PXDNL: variants seen among roughly 807,000 people sequenced by gnomAD.
PXDNL encodes the protein probable oxidoreductase PXDNL.
A neutral mutation model predicts 150.8 loss-of-function variants in PXDNL; 145 were observed. The observed-to-expected ratio is 0.96, with a 90% CI of 0.84 to 1.10. PXDNL has a LOEUF of 1.10. PXDNL is among the 50% of genes least tolerant of loss of function. The probability of loss-of-function intolerance (pLI) is 0.00; values close to 1 mark genes in which losing one functional copy is unlikely to be tolerated. For synonymous variants in PXDNL, 757 were observed against 725.7 expected (o/e 1.04, Z -0.69); for missense variants, 2,087 against 1,873.9 (o/e 1.11, Z -2.10).
At chr8:51,496,135 T>G (rs1282359646) in intron 5 of PXDNL, among the ~76,000 whole-genome samples, 1 of 152,156 alleles carries the variant, frequency 6.6e-6, no homozygotes, top group East Asian at 1.9e-4. Context: ...CATATGGAAA[T>G]CAATAAATGT....
At chr8:51,422,153 G>A (rs1808971877) in intron 14 of PXDNL, among the ~76,000 whole-genome samples, 1 of 152,050 alleles carries the variant, frequency 6.6e-6, no homozygotes, top group Non-Finnish European at 1.5e-5. Context: ...ATCACCCCCA[G>A]ATGGGACCAT....
chr8:51,338,882 C>T (rs1187513910), intron 21 of PXDNL, among the ~76,000 whole-genome samples: 1 of 152,154 alleles, frequency 6.6e-6, no homozygotes, highest in Non-Finnish European at 1.5e-5. Context: ...CCAGAGAAAA[C>T]AGTACTTCCT....
intron 14 of PXDNL, among the ~76,000 whole-genome samples, chr8:51,416,902 C>T (rs1808814192): frequency 6.6e-6 from 1 of 152,124 alleles, no homozygotes. Flanking sequence ...ATAAAGCTTT[C>T]TCGTTTTTAT....
intron 1 of PXDNL, among the ~76,000 whole-genome samples, chr8:51,690,218 G>A (rs1056434542): frequency 1.3e-5 from 2 of 152,104 alleles, no homozygotes; most frequent in African/African-American, 2.4e-5. Flanking sequence ...TGTGCACAAT[G>A]TGCAGGTTAG....
At chr8:51,490,805 A>G (rs1810874201) in intron 5 of PXDNL, among the ~76,000 whole-genome samples, 1 of 151,822 alleles carries the variant, frequency 6.6e-6, no homozygotes, top group African/African-American at 2.4e-5. Flanking sequence ...CCTCATCTTC[A>G]GAGTGAAAAT....
rs1256286465 is a variant in PXDNL at position 51,744,028 on chromosome 8, GGGAAGGAAGGAAGGAA to G, written c.164+65137_164+65152del. ...AGAGAGAGAGAAAGAAAGAAGAAGA[GGGAAGGAAGGAAGGAA>G]GGAAGGAAGGAAGGAAGGAAGGAAG... On this transcript the variant is annotated intron_variant, in intron 1 of 22. Transcript: ENST00000356297. Among the ~76,000 whole-genome samples, 121 of 63,248 alleles carry G rather than the reference GGGAAGGAAGGAAGGAA, an allele frequency of 1.9e-3. 1 individual carries two copies. Among genetic ancestry groups the G allele is most frequent in the East Asian group, 2.6e-3 (5 of 1,948 alleles). 41.5% of individuals were successfully genotyped at this position (63,248 alleles called of 152,430 possible).
intron 2 of PXDNL, among the ~76,000 whole-genome samples, chr8:51,596,959 C>T (rs546159409): frequency 3.3e-5 from 5 of 151,980 alleles, no homozygotes; most frequent in African/African-American, 4.8e-5. Context: ...CTTTTGAGGA[C>T]GTAGTCAAAA....
intron 19 of PXDNL, among the ~76,000 whole-genome samples, chr8:51,346,727 C>T (rs1806172601): frequency 6.6e-6 from 1 of 152,122 alleles, no homozygotes; most frequent in Non-Finnish European, 1.5e-5. Flanking sequence ...CTCTTGCTCC[C>T]ACTCATGTCA....
At chr8:51,693,106 G>A (rs1332381640) in intron 1 of PXDNL, among the ~76,000 whole-genome samples, 1 of 152,190 alleles carries the variant, frequency 6.6e-6, no homozygotes, top group Non-Finnish European at 1.5e-5. Context: ...ATATTACTCA[G>A]TGATCCTAAT....
chr8:51,748,618 A>G (rs935754087), intron 1 of PXDNL, among the ~76,000 whole-genome samples: 2 of 152,206 alleles, frequency 1.3e-5, no homozygotes, highest in African/African-American at 4.8e-5. Context: ...GGGGTGAAGC[A>G]GGAGTTATTT....
intron 8 of PXDNL, 75 bp from the exon 9 acceptor site, chr8:51,457,742 A>G: frequency 9.4e-7 from 1 of 1,068,968 alleles, no homozygotes; most frequent in Admixed American, 2.3e-5. Flanking sequence ...CTGAGAATAT[A>G]GTACTATATA....
At chr8:51,367,518 T>C (rs909524979) in intron 19 of PXDNL, among the ~76,000 whole-genome samples, 4 of 152,188 alleles carry the variant, frequency 2.6e-5, no homozygotes, top group Non-Finnish European at 5.9e-5. Flanking sequence ...TGACAACACT[T>C]TTTTTCATTA....
At chr8:51,432,143 T>G (rs1013806637) in intron 12 of PXDNL, among the ~76,000 whole-genome samples, 12 of 152,170 alleles carry the variant, frequency 7.9e-5, no homozygotes, top group Non-Finnish European at 1.5e-4. Context: ...TATCTGGAAT[T>G]GATTTTGGTG....
chr8:51,385,737 C>T (rs866463206), intron 17 of PXDNL, among the ~76,000 whole-genome samples: 3 of 152,158 alleles, frequency 2.0e-5, no homozygotes, highest in South Asian at 4.1e-4. Context: ...TGGAAGATAA[C>T]TGAATCATAG....
chr8:51,521,380 A>G (rs1193275534), intron 4 of PXDNL, among the ~76,000 whole-genome samples: 1 of 152,206 alleles, frequency 6.6e-6, no homozygotes, highest in Non-Finnish European at 1.5e-5. Context: ...AAAATGCTCC[A>G]GCCTCATTAG....
chr8:51,597,262 T>A (rs1343873760), intron 2 of PXDNL, among the ~76,000 whole-genome samples: 2 of 152,218 alleles, frequency 1.3e-5, no homozygotes, highest in African/African-American at 4.8e-5. Flanking sequence ...CAGTGGTCTA[T>A]GTGTCTGTTT....
At chr8:51,690,857 C>T (rs1214168370) in intron 1 of PXDNL, among the ~76,000 whole-genome samples, 1 of 152,124 alleles carries the variant, frequency 6.6e-6, no homozygotes, top group Non-Finnish European at 1.5e-5. Context: ...TTAATGATCG[C>T]CATTCTAACT....
chr8:51,780,388 A>G (rs187804561), intron 1 of PXDNL, among the ~76,000 whole-genome samples: 1 of 152,266 alleles, frequency 6.6e-6, no homozygotes, highest in East Asian at 1.9e-4. Flanking sequence ...CAGACACCCA[A>G]AAATACATAT....
At chr8:51,751,925 T>G (rs2037049116) in intron 1 of PXDNL, among the ~76,000 whole-genome samples, 1 of 152,180 alleles carries the variant, frequency 6.6e-6, no homozygotes, top group South Asian at 2.1e-4. Flanking sequence ...GGGCTGCTAT[T>G]TCTTGTGGCC....
Sources: gnomAD v4.1 joint callset for allele counts (sites outside exome capture counted in the v4.1 genomes callset) on GRCh38, gnomAD v4.1.1 for gene constraint, MANE v1.5 for transcripts, NCBI Gene and HGNC (gene_info 2026-07-23, HGNC 2026-07-21) for gene names.